The following FAM114A2 variants were observed in gnomAD, a reference collection of about 807,000 sequenced individuals.
FAM114A2 encodes the protein family with sequence similarity 114 member A2.
FAM114A2 carries 53 observed loss-of-function variants against 58.4 expected under a neutral mutation model. That is an observed-to-expected ratio of 0.91 (90% CI 0.73 to 1.14). The LOEUF (loss-of-function observed/expected upper bound fraction) is 1.14. Among genes scored for constraint, FAM114A2 ranks in the 50% most tolerant of loss-of-function variants. The pLI is 0.00. For synonymous variants in FAM114A2, 228 were observed against 211.4 expected (o/e 1.08, Z -0.68); for missense variants, 601 against 581.1 (o/e 1.03, Z -0.35).
intron 2 of FAM114A2, 63 bp downstream of exon 2, chr5:154,034,680 GC>G (rs1255341555): frequency 2.3e-5 from 27 of 1,198,930 alleles, no homozygotes; most frequent in Non-Finnish European, 3.3e-5. Flanking sequence ...ATTTCTTTTA[GC>G]CCCAACATTT....
At chr5:154,026,310 A>G (rs1249824957) in intron 8 of FAM114A2, 89 bp downstream of exon 8, 1 of 997,256 alleles carries the variant, frequency 1.0e-6, no homozygotes, top group Non-Finnish European at 1.4e-6. Flanking sequence ...AAGCCAGTGT[A>G]ATAAGAGTAA....
rs1416213677 is a variant in FAM114A2, at chr5:153,992,395, C to G, written c.*581G>C. 1 of 152,196 alleles carries G rather than the reference C, an allele frequency of 6.6e-6. No individual in the cohort carries two copies. The highest frequency in any genetic ancestry group is 2.4e-5 in the African/African-American group (1 of 41,444). 9.4% of individuals were successfully genotyped at this position (152,196 alleles called of 1,614,324 possible). ...CTATAATAGTCTACAAGTTTCTCCT[C>G]AATGCCAAATATCTACTAAGAATTT... On this transcript the variant is annotated 3_prime_UTR_variant, in exon 14 of 14. Transcript: ENST00000351797.
At chr5:154,016,516 A>G (rs1771050358) in intron 8 of FAM114A2, among the ~76,000 whole-genome samples, 1 of 152,228 alleles carries the variant, frequency 6.6e-6, no homozygotes, top group African/African-American at 2.4e-5. Flanking sequence ...AGTGAAACTA[A>G]GCTTCATAAA....
At chr5:154,001,354 T>C (rs749534663) in intron 11 of FAM114A2, among the ~76,000 whole-genome samples, 4 of 152,208 alleles carry the variant, frequency 2.6e-5, no homozygotes, top group Admixed American at 6.5e-5. Flanking sequence ...TTGAGTAGAC[T>C]TGAATTCAGA....
At chr5:154,030,758 T>C (rs1772135602) in intron 4 of FAM114A2, among the ~76,000 whole-genome samples, 1 of 152,216 alleles carries the variant, frequency 6.6e-6, no homozygotes, top group Non-Finnish European at 1.5e-5. Context: ...TTAGGTGTTT[T>C]TGCTTAAATA....
rs749719044 is a variant in FAM114A2 at position 154,002,324 on chromosome 5, T to A, written c.1183A>T (p.Lys395Ter). 1.2e-6 allele frequency: 2 copies of A among 1,614,138 alleles called. No individual in the cohort carries two copies. The highest frequency in any genetic ancestry group is 2.2e-5 in the South Asian group (2 of 91,080). ...CCATGCAGAACCAATGCAGCTGTTT[T>A]GTGGAATAGTTCAATTGAGCAGGCA... ...LTACSIELFH[K>*]TAALVLHGRK... The change falls in exon 11 of 14, where the codon AAA (lysine) becomes TAA (stop). Residue 395 changes from lysine to a stop codon, truncating the protein, a stop_gained. Transcript: ENST00000351797. LOFTEE classifies it high-confidence loss of function.
intron 9 of FAM114A2, among the ~76,000 whole-genome samples, chr5:154,006,641 A>G (rs116579262): frequency 0.012 from 1,862 of 152,316 alleles, 32 homozygotes; most frequent in African/African-American, 0.042. Flanking sequence ...CTAATAATAC[A>G]AACAATATGT....
intron 9 of FAM114A2, 86 bp downstream of exon 9, chr5:154,011,155 C>A (rs76477498): frequency 0.016 from 16,965 of 1,078,820 alleles, 487 homozygotes; most frequent in African/African-American, 0.1. Context: ...GGTGACACCT[C>A]TGCCAGGAAT....
intron 1 of FAM114A2, among the ~76,000 whole-genome samples, 154 bp from the exon 2 acceptor site, chr5:154,035,121 G>A (rs1302884622): frequency 6.6e-6 from 1 of 152,080 alleles, no homozygotes; most frequent in Non-Finnish European, 1.5e-5. Flanking sequence ...TCCCCCAATG[G>A]TAAAACTTAC....
In FAM114A2 at chr5:153,998,123, T is replaced by A. The variant is rs199731172; in HGVS notation, c.1257-248A>T. Reference sequence around the variant, plus strand: ...TCCAGAAATAAATAATTCATAAGTTTTTAATTGCACATCATCTTGAGTAGT... The same window carrying A: ...TCCAGAAATAAATAATTCATAAGTTATTAATTGCACATCATCTTGAGTAGT... On this transcript the variant is annotated intron_variant, in intron 11 of 13. Transcript: ENST00000351797. Among the ~76,000 whole-genome samples, 60 of 152,334 alleles carry A rather than the reference T, an allele frequency of 3.9e-4. No individual in the cohort carries two copies. In the East Asian group the frequency reaches 0.011, roughly 28 times the overall value.
chr5:154,010,323 T>C (rs891566781), intron 9 of FAM114A2, among the ~76,000 whole-genome samples: 2 of 152,210 alleles, frequency 1.3e-5, no homozygotes, highest in Non-Finnish European at 2.9e-5. Flanking sequence ...TAAAAAGCAC[T>C]ATAAGATCAA....
At chr5:154,006,504 A>G (rs1023556577) in intron 9 of FAM114A2, among the ~76,000 whole-genome samples, 17 of 152,206 alleles carry the variant, frequency 1.1e-4, no homozygotes, top group South Asian at 8.3e-4. Flanking sequence ...TACACCTGAG[A>G]AACAGAATAA....
intron 9 of FAM114A2, among the ~76,000 whole-genome samples, chr5:154,004,684 C>T (rs1024861267): frequency 6.6e-6 from 1 of 152,030 alleles, no homozygotes; most frequent in Non-Finnish European, 1.5e-5. Context: ...AACCAATCAC[C>T]AAGATGGTCT....
chr5:154,018,561 G>A (rs938203291), intron 8 of FAM114A2, among the ~76,000 whole-genome samples: 1 of 152,062 alleles, frequency 6.6e-6, no homozygotes, highest in African/African-American at 2.4e-5. Context: ...ATTCTATGAA[G>A]CCAGTATCAT....
chr5:154,036,803 A>C (rs1772592121), intron 1 of FAM114A2: 1 of 152,238 alleles, frequency 6.6e-6, no homozygotes, highest in African/African-American at 2.4e-5. Flanking sequence ...TTTGGCCTGC[A>C]CAGTATTTAA....
At chr5:154,008,228 T>A in intron 9 of FAM114A2, among the ~76,000 whole-genome samples, 1 of 151,968 alleles carries the variant, frequency 6.6e-6, no homozygotes. Context: ...ACAAGAAAGA[T>A]GAATACCTAT....
In FAM114A2 at chr5:154,034,275, T is replaced by TA. The variant is rs1399733820; in HGVS notation, c.310+2dup. 5 of 1,534,444 alleles carry TA rather than the reference T, an allele frequency of 3.3e-6. No individual in the cohort carries two copies. In the African/African-American group the frequency reaches 7.0e-5, roughly 21 times the overall value. On this transcript the variant is annotated splice_region_variant and intron_variant, in intron 3 of 13. Coordinates refer to ENST00000351797, the MANE Select transcript of FAM114A2 (RefSeq NM_018691.4). ...AAAATAACTAAATGACTGATGATCT[T>TA]ACCTACTGTAGCTACTGTAGCCGAG...
At chr5:154,033,432 A>T (rs761544079) in intron 4 of FAM114A2, among the ~76,000 whole-genome samples, 2 of 152,206 alleles carry the variant, frequency 1.3e-5, no homozygotes, top group Admixed American at 6.5e-5. Context: ...TATTTTTATC[A>T]TGTCACAACA....
At position 154,031,312 on chromosome 5, in the gene FAM114A2, C is replaced by CAAAAAAAAAAAAAAAAA. The variant is rs59757780; in HGVS notation, c.404-1733_404-1732insTTTTTTTTTTTTTTTTT. On this transcript the variant is annotated intron_variant, in intron 4 of 13. Coordinates refer to ENST00000351797, the MANE Select transcript of FAM114A2 (RefSeq NM_018691.4). ...GGGCGACAGAGTGAGACTCCCTCTCCAAAAAAAAAAAAAAAAGCCTTAAAG... is the reference window on the plus strand; with the variant it reads ...GGGCGACAGAGTGAGACTCCCTCTCCAAAAAAAAAAAAAAAAAAAAAAAAAAAAAAAAAGCCTTAAAG... Among the ~76,000 whole-genome samples the CAAAAAAAAAAAAAAAAA allele has an allele frequency of 5.0e-4, 24 of 47,820 alleles. 5 individuals carry two copies. The highest frequency in any genetic ancestry group is 1.6e-3 in the East Asian group (2 of 1,214). 31.4% of individuals were successfully genotyped at this position (47,820 alleles called of 152,430 possible).
Sources: allele counts gnomAD v4.1 joint callset (sites outside exome capture counted in the v4.1 genomes callset), GRCh38; gene constraint gnomAD v4.1.1; transcripts MANE v1.5; gene names NCBI Gene and HGNC (gene_info 2026-07-23, HGNC 2026-07-21).